The following SV2A variants were observed in gnomAD, a reference collection of about 807,000 sequenced individuals.
SV2A encodes the protein synaptic vesicle glycoprotein 2A, also known as solute carrier family 22 member B1.
SV2A carries 25 observed loss-of-function variants against 78.0 expected under a neutral mutation model. The observed-to-expected ratio is 0.32, with a 90% CI of 0.23 to 0.45. The LOEUF is 0.45. Ranked by LOEUF, SV2A falls within the 20% of genes least tolerant of loss-of-function variation. The probability of loss-of-function intolerance (pLI) is 1.00; values close to 1 mark genes in which losing one functional copy is unlikely to be tolerated. For missense variants in SV2A, 752 were observed against 971.5 expected (o/e 0.77, Z 3.00); for synonymous variants, 355 against 384.7 (o/e 0.92, Z 0.90).
intron 1 of SV2A, among the ~76,000 whole-genome samples, chr1:149,916,736 CG>C (rs587772146): frequency 9.9e-4 from 151 of 152,294 alleles, no homozygotes; most frequent in African/African-American, 3.4e-3. Context: ...TCCGCGGGGG[CG>C]GGGGTAGAAT....
chr1:149,905,277 G>A (rs2092429989), intron 12 of SV2A, 80 bp from the exon 13 acceptor site: 1 of 1,361,020 alleles, frequency 7.3e-7, no homozygotes, highest in Non-Finnish European at 1.0e-6. Flanking sequence ...GGGAAGTGAA[G>A]TCCAGGAAGA....
Position 149,913,663 on chromosome 1 carries a change from C to T in SV2A, c.178G>A (p.Ala60Thr), listed in dbSNP as rs141689348. Residue 60 changes from alanine (A) to threonine (T), a missense_variant, in exon 2 of 13, where the codon GCT (alanine) becomes ACT (threonine). By Grantham distance (58) the Ala-to-Thr change is moderately conservative. Transcript: ENST00000369146. ...CCTCGGTAATAACCATCACTGGGAG[C>T]AGGGAAGTCATCATCATCATCCTCC... Reference protein sequence around the residue: ...EEEDDDDDFPAPSDGYYRGEG... With the variant: ...EEEDDDDDFPTPSDGYYRGEG... 9 of 1,614,056 alleles carry T rather than the reference C, an allele frequency of 5.6e-6. No homozygotes were observed. Among genetic ancestry groups the T allele is most frequent in the Non-Finnish European group, 6.8e-6 (8 of 1,180,032 alleles).
chr1:149,909,128 C>T (rs1193543358), intron 8 of SV2A, 64 bp downstream of exon 8: 13 of 1,523,036 alleles, frequency 8.5e-6, no homozygotes, highest in Non-Finnish European at 1.2e-5. Context: ...ATTCTCCCCA[C>T]CTCTCTCCCA....
rs1164253514 is a variant in SV2A, at chr1:149,903,354, C to T, written c.*1660G>A. The stretch of plus-strand genomic sequence containing the variant: ...GAGGATTTGTTTCCGTTTTATTTTT[C>T]GTCAATATTTTTCACTGCATTTTTC... On this transcript the variant is annotated 3_prime_UTR_variant, in exon 13 of 13. Transcript: ENST00000369146. 1 of 152,156 alleles carries T rather than the reference C, an allele frequency of 6.6e-6. No homozygotes were observed. The allele number at this position is 152,156 out of a possible 1,614,324, so 9.4% of individuals were successfully genotyped here.
chr1:149,904,868 C>T lies in SV2A; in HGVS notation c.*146G>A. On this transcript the variant is annotated 3_prime_UTR_variant, in exon 13 of 13. Transcript: ENST00000369146. ...TGCCCACGGGGTTTACACACATGCA[C>T]ACGCACACGCACACACAGCTAAGAC... The T allele has an allele frequency of 2.3e-6, 2 of 874,716 alleles. No homozygotes were observed. Among genetic ancestry groups the T allele is most frequent in the South Asian group, 3.6e-5 (2 of 55,236 alleles). 54.2% of individuals were successfully genotyped at this position (874,716 alleles called of 1,614,324 possible).
intron 2 of SV2A, 152 bp from the exon 3 acceptor site, chr1:149,912,132 G>T: frequency 1.3e-6 from 1 of 773,224 alleles, no homozygotes; most frequent in Non-Finnish European, 2.0e-6. Flanking sequence ...AATGAATGGT[G>T]TAAGCAAAGA....
chr1:149,910,799 T>A lies in SV2A; in HGVS notation c.955+27A>T. 6.2e-7 allele frequency: 1 copy of A among 1,612,244 alleles called. No homozygotes were observed. Among genetic ancestry groups the A allele is most frequent in the Non-Finnish European group, 8.5e-7 (1 of 1,178,526 alleles). On this transcript the variant is annotated intron_variant, in intron 4 of 12. Transcript: ENST00000369146. This position sits in a 1 kb window ranked among gnomAD's most constrained non-coding sequence, Gnocchi z 4.2. ...AAGAAGAGGGAGGAGGGAGATAACCTGGGGTGGATTTCCGGGGGCTGCTCA... is the reference window on the plus strand; with the variant it reads ...AAGAAGAGGGAGGAGGGAGATAACCAGGGGTGGATTTCCGGGGGCTGCTCA...
intron 1 of SV2A, among the ~76,000 whole-genome samples, chr1:149,914,487 TA>T (rs1553764316): frequency 6.6e-6 from 1 of 152,214 alleles, no homozygotes; most frequent in Admixed American, 6.5e-5. Context: ...TGCAAAGAAC[TA>T]AACAGGAAAT....
rs1553763290 is a variant in SV2A, at chr1:149,909,202, T to C, written c.1369A>G (p.Met457Val). The change falls in exon 8 of 13, where the codon ATG becomes GTG. Residue 457 changes from methionine (M) to valine (V), a missense_variant. This residue lies in a region of SV2A where 10 missense variants were observed against 31.1 expected (regional missense o/e 0.32). Coordinates refer to ENST00000369146, the MANE Select transcript of SV2A (RefSeq NM_014849.5). The part of the protein sequence containing the change: ...TLMMMGVWFT[M>V]SFSYYGLTVW... The stretch of plus-strand genomic sequence containing the variant: ...CACCCATCTCCTCACCTGAATGACA[T>C]GGTGAACCACACACCCATCATCATC... 2 of 1,613,926 alleles carry C rather than the reference T, an allele frequency of 1.2e-6. No homozygotes were observed.
intron 8 of SV2A, among the ~76,000 whole-genome samples, 173 bp downstream of exon 8, chr1:149,909,019 A>G (rs587601016): frequency 1.3e-5 from 2 of 152,274 alleles, no homozygotes; most frequent in African/African-American, 4.8e-5. Flanking sequence ...AGCCTACAGT[A>G]CAAGTTTGTT....
At position 149,913,895 on chromosome 1, in the gene SV2A, CT is replaced by C; in HGVS notation, c.-56del. 6.5e-7 allele frequency: 1 copy of C among 1,538,232 alleles called. No individual in the cohort carries two copies. The highest frequency in any genetic ancestry group is 8.7e-7 in the Non-Finnish European group (1 of 1,145,288). On this transcript the variant is annotated 5_prime_UTR_variant, in exon 2 of 13. Coordinates refer to ENST00000369146, the MANE Select transcript of SV2A (RefSeq NM_014849.5). ...TCTCCACCTCCTGCTTCTTTTTCAG[CT>C]TTTTGCTCAAGGACTTGTAGAGTCA... is the stretch of plus-strand genomic sequence containing the variant.
In SV2A at chr1:149,913,734, C is replaced by G. The variant is rs782459392; in HGVS notation, c.107G>C (p.Arg36Thr). ...TCTTCGGGAATATTCGTCCTGGACT[C>G]TGTCCAGGCCCTTCACCACCTTCTT... is the stretch of plus-strand genomic sequence containing the variant. ...AAKKVVKGLD[R>T]VQDEYSRRSY... The change falls in exon 2 of 13, where the codon AGA (arginine) becomes ACA (threonine). Residue 36 changes from arginine to threonine, a missense_variant. Arg to Thr is a moderately conservative substitution (Grantham distance 71, BLOSUM62 -1). Around this residue, in one of 7 missense-constraint regions of SV2A, gnomAD observed 291 missense variants for 359.5 expected, o/e 0.81. Coordinates refer to ENST00000369146, the MANE Select transcript of SV2A (RefSeq NM_014849.5). 6.2e-7 allele frequency: 1 copy of G among 1,614,164 alleles called. No individual in the cohort carries two copies. Among genetic ancestry groups the G allele is most frequent in the African/African-American group, 1.3e-5 (1 of 75,044 alleles).
chr1:149,911,015 C>A lies in SV2A; in HGVS notation c.804-38G>T, dbSNP rs185157384. ...TCAAGAATTCAGCATTAGCAAATGGCCATAGTCCTGATCCCCTGCCCCACT... is the reference window on the plus strand; with the variant it reads ...TCAAGAATTCAGCATTAGCAAATGGACATAGTCCTGATCCCCTGCCCCACT... On this transcript the variant is annotated intron_variant, in intron 3 of 12. Transcript: ENST00000369146. The A allele has an allele frequency of 3.8e-6, 6 of 1,598,866 alleles. No homozygotes were observed. The East Asian group carries it at 1.1e-4, about 30-fold the overall frequency.
intron 12 of SV2A, chr1:149,905,456 CTT>C (rs782048028): frequency 0.012 from 2,846 of 242,048 alleles, no homozygotes; most frequent in South Asian, 0.018. Flanking sequence ...TTTTTTTTTC[CTT>C]TTTTTTTTTT....
rs587679918 is a variant in SV2A, at chr1:149,910,176, C to G, written c.1090-286G>C. Among the ~76,000 whole-genome samples, 8 of 152,100 alleles carry G rather than the reference C, an allele frequency of 5.3e-5. No individual in the cohort carries two copies. In the South Asian group the frequency reaches 1.5e-3, roughly 28 times the overall value. ...CACAGGTCTTGGGAATTCCATAGTA[C>G]AGAGGAATGTAAAAACCAAAGGTAA... On this transcript the variant is annotated intron_variant, in intron 5 of 12. Coordinates refer to ENST00000369146, the MANE Select transcript of SV2A (RefSeq NM_014849.5). This position sits in a 1 kb window ranked among gnomAD's most constrained non-coding sequence, Gnocchi z 4.2.
At position 149,913,806 on chromosome 1, in the gene SV2A, A is replaced by G; in HGVS notation, c.35T>C (p.Ile12Thr). Residue 12 changes from isoleucine to threonine, a missense_variant, in exon 2 of 13, where the codon ATC becomes ACC. Physicochemically the swap from Ile to Thr is moderately conservative, Grantham distance 89. Transcript: ENST00000369146. ...CTTAGCAATGTCTTTGGCCCCACGG[A>G]TGAAAGCTGCCCGGTCTCGGAAGCC... ...EEGFRDRAAF[I>T]RGAKDIAKEV... 1 of 1,612,150 alleles carries G rather than the reference A, an allele frequency of 6.2e-7. No homozygotes were observed. Among genetic ancestry groups the G allele is most frequent in the Non-Finnish European group, 8.5e-7 (1 of 1,178,440 alleles).
rs781815348 is a variant in SV2A at position 149,910,938 on chromosome 1, G to A, written c.843C>T (p.Ser281=). 1.5e-5 allele frequency: 24 copies of A among 1,614,058 alleles called. No individual in the cohort carries two copies. The highest frequency in any genetic ancestry group is 6.7e-5 in the African/African-American group (5 of 74,930). The stretch of plus-strand genomic sequence containing the variant: ...CTCGTTTCTCCTGGGCCAGAAACTC[G>A]GAGAAATAGGAGAAGACAATGGGGA... ...GSIPIVFSYF[S]EFLAQEKRGE... The change falls in exon 4 of 13, where the codon TCC becomes TCT. Residue 281 remains serine (S), a synonymous_variant. Coordinates refer to ENST00000369146, the MANE Select transcript of SV2A (RefSeq NM_014849.5). The surrounding 1 kb of genome is among the most constrained non-coding windows in gnomAD (Gnocchi z 4.2).
intron 2 of SV2A, 113 bp downstream of exon 2, chr1:149,913,106 A>C: frequency 7.4e-7 from 1 of 1,354,398 alleles, no homozygotes; most frequent in Non-Finnish European, 1.0e-6. Flanking sequence ...CCCTCTGGGA[A>C]CATCTTGGGT....
intron 1 of SV2A, among the ~76,000 whole-genome samples, chr1:149,916,066 A>G (rs587635048): frequency 7.6e-4 from 116 of 152,248 alleles, no homozygotes; most frequent in African/African-American, 2.8e-3. Context: ...CCTTTTCTTC[A>G]TGGTTCAGGG....
Sources: allele counts gnomAD v4.1 joint callset (sites outside exome capture counted in the v4.1 genomes callset), GRCh38; gene constraint gnomAD v4.1.1; regional missense constraint gnomAD v4.1.1; non-coding constraint Gnocchi (gnomAD v3.1); transcripts MANE v1.5; gene names NCBI Gene and HGNC (gene_info 2026-07-23, HGNC 2026-07-21).